Variants in KCNIP1 observed in about 807,000 individuals in gnomAD.
The protein encoded by KCNIP1 is potassium voltage-gated channel interacting protein 1.
A neutral mutation model predicts 33.0 loss-of-function variants in KCNIP1; 18 were observed. The observed-to-expected ratio is 0.55, with a 90% CI of 0.38 to 0.81. KCNIP1 has a LOEUF of 0.81. Among genes scored for constraint, KCNIP1 ranks in the 30% least tolerant of loss-of-function variants. KCNIP1 has a pLI of 0.00. For missense variants in KCNIP1, 238 were observed against 271.6 expected (o/e 0.88, Z 0.87); for synonymous variants, 93 against 98.3 (o/e 0.95, Z 0.32).
At chr5:170,359,194 G>T (rs1763435268) in intron 1 of KCNIP1, among the ~76,000 whole-genome samples, 1 of 152,120 alleles carries the variant, frequency 6.6e-6, no homozygotes, top group Non-Finnish European at 1.5e-5. Context: ...CACTGAGTAG[G>T]CTCTGTCCCA....
chr5:170,586,517 C>CAGCAA (rs111483370), intron 1 of KCNIP1, among the ~76,000 whole-genome samples: 13,157 of 152,250 alleles, frequency 0.086, 632 homozygotes, highest in South Asian at 0.12. Flanking sequence ...AATTTACTGT[C>CAGCAA]AGCAACAGGA....
rs529540759 is a variant in KCNIP1 at position 170,602,681 on chromosome 5, A to C, written c.61+98048A>C. On this transcript the variant is annotated intron_variant, in intron 1 of 7. Transcript: ENST00000328939. ...ATGAACCTAGGACAGGGATAGACTC[A>C]AGGACTAAGAACAAACCAGGAAGAA... Among the ~76,000 whole-genome samples the C allele has an allele frequency of 2.0e-5, 3 of 152,300 alleles. No homozygotes were observed. In the South Asian group the frequency reaches 6.2e-4, roughly 32 times the overall value.
chr5:170,362,079 A>G lies in KCNIP1; in HGVS notation c.88+8115A>G, dbSNP rs540545553. 1.7e-4 allele frequency among the ~76,000 whole-genome samples: 26 copies of G among 152,358 alleles called. No homozygotes were observed. The South Asian group carries it at 4.3e-3, about 25-fold the overall frequency. On this transcript the variant is annotated intron_variant, in intron 1 of 7. Transcript: ENST00000377360. ...TGCAGCACTGCTGGTGGCACCTGCC[A>G]TGTGCCCAGCATTGCCTGAGCACTC...
chr5:170,621,019 G>A (rs906145331), intron 1 of KCNIP1, among the ~76,000 whole-genome samples: 2 of 152,126 alleles, frequency 1.3e-5, no homozygotes, highest in Non-Finnish European at 2.9e-5. Flanking sequence ...CTGTGGCAGG[G>A]AAGCTGGAGA....
At chr5:170,488,774 C>T (rs370194324) in intron 1 of KCNIP1, among the ~76,000 whole-genome samples, 2 of 152,066 alleles carry the variant, frequency 1.3e-5, no homozygotes, top group African/African-American at 2.4e-5. Context: ...GAACAGAGCC[C>T]GGGGAAGGGT....
chr5:170,618,567 G>GAGGGAGGGAGGC (rs1759488564), intron 1 of KCNIP1, among the ~76,000 whole-genome samples: 1 of 128,574 alleles, frequency 7.8e-6, no homozygotes, highest in Non-Finnish European at 1.7e-5. Context: ...GGGAGGGAGG[G>GAGGGAGGGAGGC]AGGGAGCTAA....
At chr5:170,577,503 C>G (rs1757644118) in intron 1 of KCNIP1, among the ~76,000 whole-genome samples, 1 of 152,286 alleles carries the variant, frequency 6.6e-6, no homozygotes, top group East Asian at 1.9e-4. Context: ...CATATGATGC[C>G]TTTGTCTTCA....
chr5:170,632,938 G>T (rs531019796), intron 1 of KCNIP1, among the ~76,000 whole-genome samples: 1 of 152,118 alleles, frequency 6.6e-6, no homozygotes. Flanking sequence ...TCCCTCGCGT[G>T]GGGGTGGGTT....
At chr5:170,405,217 T>A (rs539299893) in intron 1 of KCNIP1, among the ~76,000 whole-genome samples, 1 of 151,334 alleles carries the variant, frequency 6.6e-6, no homozygotes, top group East Asian at 1.9e-4. Flanking sequence ...TTTTTTGAGA[T>A]GAAGTCTTGC....
At chr5:170,644,572 A>T (rs1275840383) in intron 1 of KCNIP1, among the ~76,000 whole-genome samples, 1 of 152,202 alleles carries the variant, frequency 6.6e-6, no homozygotes, top group Non-Finnish European at 1.5e-5. Flanking sequence ...TAAGCTCAAG[A>T]CAAAAATGAT....
At chr5:170,523,496 G>A (rs577615133) in intron 1 of KCNIP1, among the ~76,000 whole-genome samples, 1 of 152,268 alleles carries the variant, frequency 6.6e-6, no homozygotes, top group East Asian at 1.9e-4. Flanking sequence ...AAAGAAGAGG[G>A]TAATCATTCC....
intron 1 of KCNIP1, among the ~76,000 whole-genome samples, chr5:170,718,445 G>C (rs1763705664): frequency 6.6e-6 from 1 of 152,180 alleles, no homozygotes; most frequent in South Asian, 2.1e-4. Context: ...GAAACAATTT[G>C]AATATGCAAA....
rs182303752 is a variant in KCNIP1 at position 170,564,480 on chromosome 5, C to A, written c.61+59847C>A. ...CCGAGCTGTTAGGCACTGACCGTGG[C>A]ATTGCCTCCAGGGTGAATTGCGGGG... On this transcript the variant is annotated intron_variant, in intron 1 of 7. Coordinates refer to ENST00000328939, the MANE Select transcript of KCNIP1 (RefSeq NM_014592.4). Among the ~76,000 whole-genome samples, 83 of 152,322 alleles carry A rather than the reference C, an allele frequency of 5.4e-4. 3 individuals carry two copies. Among genetic ancestry groups the A allele is most frequent in the African/African-American group, 1.7e-3 (69 of 41,558 alleles).
chr5:170,353,964 G>C, exon 1 of KCNIP1: 2 of 1,613,976 alleles, frequency 1.2e-6, no homozygotes, highest in Non-Finnish European at 1.7e-6. Flanking sequence ...CCTCAGCAAA[G>C]GTATGGAAAC....
At chr5:170,722,051 AG>A in intron 4 of KCNIP1, 148 bp downstream of exon 4, 1 of 1,014,176 alleles carries the variant, frequency 9.9e-7, no homozygotes, top group Non-Finnish European at 1.4e-6. Context: ...CATTTCCTAA[AG>A]ATGGGGAAAA....
intron 1 of KCNIP1, among the ~76,000 whole-genome samples, chr5:170,629,722 C>T (rs560920588): frequency 1.3e-5 from 2 of 152,282 alleles, no homozygotes; most frequent in East Asian, 1.9e-4. Context: ...TCCACAACCC[C>T]GGCACCAGCA....
At chr5:170,493,013 G>A (rs902407270) in intron 1 of KCNIP1, among the ~76,000 whole-genome samples, 1 of 152,196 alleles carries the variant, frequency 6.6e-6, no homozygotes, top group African/African-American at 2.4e-5. Flanking sequence ...CTCCCAAAGT[G>A]CTGGGATTAC....
At chr5:170,684,468 A>G (rs1409186054) in intron 1 of KCNIP1, among the ~76,000 whole-genome samples, 1 of 152,218 alleles carries the variant, frequency 6.6e-6, no homozygotes, top group Non-Finnish European at 1.5e-5. Context: ...AGTTTGTGGT[A>G]ATGTATTATG....
chr5:170,604,491 T>C (rs951172278), intron 1 of KCNIP1, among the ~76,000 whole-genome samples: 18 of 152,172 alleles, frequency 1.2e-4, no homozygotes, highest in African/African-American at 2.9e-4. Flanking sequence ...CCCCATCTCA[T>C]TGTGCCCTTT....
Sources: gnomAD v4.1 joint callset for allele counts (sites outside exome capture counted in the v4.1 genomes callset) on GRCh38, gnomAD v4.1.1 for gene constraint, MANE v1.5 for transcripts, NCBI Gene and HGNC (gene_info 2026-07-23, HGNC 2026-07-21) for gene names.